TMCO6: variants seen among roughly 807,000 people sequenced by gnomAD.
TMCO6 encodes transmembrane and coiled-coil domain-containing protein 6.
TMCO6 carries 47 observed loss-of-function variants against 61.8 expected under a neutral mutation model. The ratio of observed to expected loss-of-function variants is 0.76; its 90% confidence interval spans 0.60 to 0.97. The LOEUF (loss-of-function observed/expected upper bound fraction) is 0.97. TMCO6 is among the 50% of genes least tolerant of loss of function. The pLI is 0.00. For synonymous variants in TMCO6, 261 were observed against 254.2 expected, an observed-to-expected ratio of 1.03 and a Z score of -0.25; for missense variants, 557 against 601.6, an observed-to-expected ratio of 0.93 and a Z score of 0.78.
chr5:140,647,703 G>T, downstream of TMCO6: 2 of 1,407,450 alleles, frequency 1.4e-6, no homozygotes, highest in South Asian at 1.2e-5. Context: ...GTAAAGCTTG[G>T]CCAATGATAT....
the TMCO6 span, among the ~76,000 whole-genome samples, chr5:140,623,868 A>G: frequency 6.6e-6 from 1 of 152,232 alleles, no homozygotes; most frequent in East Asian, 1.9e-4. Context: ...GGCATGAGCC[A>G]CCTTGCCCAG....
chr5:140,600,897 G>A, the TMCO6 span, among the ~76,000 whole-genome samples: 1 of 152,142 alleles, frequency 6.6e-6, no homozygotes, highest in African/African-American at 2.4e-5. Context: ...TCAAACATAC[G>A]AATTTTAATC....
the TMCO6 span, among the ~76,000 whole-genome samples, chr5:140,610,876 A>G: frequency 6.6e-6 from 1 of 152,174 alleles, no homozygotes; most frequent in African/African-American, 2.4e-5. Context: ...GTCCTTTACC[A>G]TGCAAGAAAG....
In TMCO6 at chr5:140,639,695, T is replaced by C. The variant is rs1581456846; in HGVS notation, c.86-44T>C. ...CAGGCTCGGAGCCGCGGGTTCTGGGTTGTGGTCGTCCTTCCCACGCTCAGC... is the reference window on the plus strand; with the variant it reads ...CAGGCTCGGAGCCGCGGGTTCTGGGCTGTGGTCGTCCTTCCCACGCTCAGC... On this transcript the variant is annotated intron_variant, in intron 1 of 11. Coordinates refer to ENST00000394671, the MANE Select transcript of TMCO6 (RefSeq NM_018502.5). 3.2e-6 allele frequency: 5 copies of C among 1,555,494 alleles called. No homozygotes were observed. The Admixed American group carries it at 5.9e-5, about 18-fold the overall frequency.
upstream of TMCO6, among the ~76,000 whole-genome samples, chr5:140,637,462 A>C (rs1250457860): frequency 6.6e-6 from 1 of 152,192 alleles, no homozygotes; most frequent in African/African-American, 2.4e-5. Context: ...AATAATGGTC[A>C]TTGTGGTGAA....
intron 7 of TMCO6, 29 bp from the exon 8 acceptor site, chr5:140,643,535 C>T: frequency 6.3e-7 from 1 of 1,596,386 alleles, no homozygotes; most frequent in Non-Finnish European, 8.6e-7. Context: ...GACTATATAC[C>T]TAGGGACTGC....
chr5:140,646,257 T>C (rs942212425), downstream of TMCO6, among the ~76,000 whole-genome samples: 1 of 152,100 alleles, frequency 6.6e-6, no homozygotes, highest in African/African-American at 2.4e-5. Context: ...GTGATCCACC[T>C]GCTTCAGCCT....
At chr5:140,607,769 C>G in the TMCO6 span, among the ~76,000 whole-genome samples, 1 of 148,424 alleles carries the variant, frequency 6.7e-6, no homozygotes, top group African/African-American at 2.5e-5. Context: ...GAAGTGGTAT[C>G]TCATTGTGGC....
At chr5:140,639,718 A>T (rs775599761) in intron 1 of TMCO6, 21 bp from the exon 2 acceptor site, 14 of 1,572,322 alleles carry the variant, frequency 8.9e-6, no homozygotes, top group Non-Finnish European at 1.2e-5. Flanking sequence ...TCCCACGCTC[A>T]GCCGGCTCCT....
At chr5:140,597,514 G>T in the TMCO6 span, among the ~76,000 whole-genome samples, 1 of 152,162 alleles carries the variant, frequency 6.6e-6, no homozygotes, top group Admixed American at 6.5e-5. Flanking sequence ...ATCATCCCTT[G>T]CTCTGGGTCT....
the TMCO6 span, among the ~76,000 whole-genome samples, chr5:140,615,524 T>C: frequency 1.3e-5 from 2 of 152,146 alleles, no homozygotes; most frequent in Non-Finnish European, 2.9e-5. Context: ...GGAGATCTCA[T>C]ACATCCTGAT....
At chr5:140,646,701 G>A (rs1581475088), downstream of TMCO6, among the ~76,000 whole-genome samples, 1 of 152,158 alleles carries the variant, frequency 6.6e-6, no homozygotes, top group African/African-American at 2.4e-5. Flanking sequence ...ATTCTAGGAA[G>A]GGGAATAAAT....
the TMCO6 span, among the ~76,000 whole-genome samples, chr5:140,630,544 C>A: frequency 6.6e-6 from 1 of 152,136 alleles, no homozygotes; most frequent in African/African-American, 2.4e-5. Context: ...GTATTTCAGG[C>A]TTTAGCACAA....
Position 140,641,683 on chromosome 5 carries a change from C to T in TMCO6, c.217C>T (p.Gln73Ter). The T allele has an allele frequency of 6.2e-7, 1 of 1,614,024 alleles. No homozygotes were observed. Among genetic ancestry groups the T allele is most frequent in the Non-Finnish European group, 8.5e-7 (1 of 1,180,016 alleles). The stretch of plus-strand genomic sequence containing the variant: ...ACTCCAGGTGCAGCAGTTCCTGCGG[C>T]AAGCCCAGCGGGGGACAGAGGAAAA... ...GETEVQQFLR[Q>*]AQRGTEEKER... The change falls in exon 3 of 12, where the codon CAA (glutamine) becomes TAA (stop). Residue 73 changes from glutamine (Q) to a stop codon, truncating the protein, a stop_gained. Transcript: ENST00000394671. LOFTEE classifies it high-confidence loss of function.
Position 140,644,112 on chromosome 5 carries a change from G to A in TMCO6, c.1118G>A (p.Ser373Asn). The change falls in exon 10 of 12, where the codon AGT (serine) becomes AAT (asparagine). Residue 373 changes from serine (S) to asparagine (N), a missense_variant. Coordinates refer to ENST00000394671, the MANE Select transcript of TMCO6 (RefSeq NM_018502.5). Reference protein sequence around the residue: ...LLNNLTANSPSFCTSLLSLDL... With the variant: ...LLNNLTANSPNFCTSLLSLDL... ...ACTTCTCTTCCAGCAAACAGTCCTAGTTTCTGTACCTCCTTGCTCTCCCTG... is the reference window on the plus strand; with the variant it reads ...ACTTCTCTTCCAGCAAACAGTCCTAATTTCTGTACCTCCTTGCTCTCCCTG... The A allele has an allele frequency of 6.2e-7, 1 of 1,614,216 alleles. No homozygotes were observed. Among genetic ancestry groups the A allele is most frequent in the Non-Finnish European group, 8.5e-7 (1 of 1,180,036 alleles).
At chr5:140,620,697 A>G in the TMCO6 span, among the ~76,000 whole-genome samples, 1 of 152,130 alleles carries the variant, frequency 6.6e-6, no homozygotes, top group Non-Finnish European at 1.5e-5. Context: ...GCTCTTTTTA[A>G]AAAGTCTTAA....
rs199537484 is a variant in TMCO6, at chr5:140,643,925, G to A, written c.1064G>A (p.Ser355Asn). The change falls in exon 9 of 12, where the codon AGT becomes AAT. Residue 355 changes from serine (S) to asparagine (N), a missense_variant. Coordinates refer to ENST00000394671, the MANE Select transcript of TMCO6 (RefSeq NM_018502.5). ...LLQFFFQKQP[S>N]LLPEGLWLLN... Reference sequence around the variant, plus strand: ...CAGTTCTTTTTCCAGAAACAGCCCAGTCTGCTCCCTGAGGGCCTTTGGCTC... The same window carrying A: ...CAGTTCTTTTTCCAGAAACAGCCCAATCTGCTCCCTGAGGGCCTTTGGCTC... 258 of 1,614,222 alleles carry A rather than the reference G, an allele frequency of 1.6e-4. 5 individuals are homozygous for A. In the South Asian group the frequency reaches 2.7e-3, roughly 17 times the overall value.
the TMCO6 span, chr5:140,632,866 C>T: frequency 1.9e-6 from 3 of 1,614,172 alleles, no homozygotes; most frequent in Non-Finnish European, 8.5e-7. The surrounding 1 kb of genome is among the most constrained non-coding windows in gnomAD (Gnocchi z 6.2). Flanking sequence ...GGCTGAGGTT[C>T]GGAGAAGTTG....
the TMCO6 span, among the ~76,000 whole-genome samples, chr5:140,625,843 T>C: frequency 6.6e-6 from 1 of 152,074 alleles, no homozygotes; most frequent in Non-Finnish European, 1.5e-5. Context: ...CTAGAATATG[T>C]TGGGGGTGAT....
Sources: gnomAD v4.1 joint callset for allele counts (sites outside exome capture counted in the v4.1 genomes callset) on GRCh38, gnomAD v4.1.1 for gene constraint, Gnocchi (gnomAD v3.1) non-coding constraint, MANE v1.5 for transcripts, NCBI Gene and HGNC (gene_info 2026-07-23, HGNC 2026-07-21) for gene names.